HMCN1: variants seen among roughly 807,000 people sequenced by gnomAD.
HMCN1 encodes the protein hemicentin-1.
HMCN1 carries 321 observed loss-of-function variants against 625.9 expected under a neutral mutation model. That is an observed-to-expected ratio of 0.51 (90% CI 0.47 to 0.56). The LOEUF (loss-of-function observed/expected upper bound fraction) is 0.56. Ranked by LOEUF, HMCN1 falls within the 20% of genes least tolerant of loss-of-function variation. The pLI is 0.00. For synonymous variants in HMCN1, 2,425 were observed against 2,417.6 expected (o/e 1.00, Z -0.09); for missense variants, 6,588 against 6,887.3 (o/e 0.96, Z 1.54).
intron 48 of HMCN1, among the ~76,000 whole-genome samples, chr1:186,062,919 T>C (rs1657806535): frequency 6.6e-6 from 1 of 151,062 alleles, no homozygotes; most frequent in Non-Finnish European, 1.5e-5. Flanking sequence ...GAACATACGA[T>C]ATTTGACTTT....
Position 186,019,615 on chromosome 1 carries a change from A to G in HMCN1, c.5545A>G (p.Ile1849Val). 1.9e-6 allele frequency: 3 copies of G among 1,611,330 alleles called. No individual in the cohort carries two copies. The highest frequency in any genetic ancestry group is 2.5e-6 in the Non-Finnish European group (3 of 1,177,724). Reference protein sequence around the residue: ...VKYKPVALQCIANGIPNPSIT... With the variant: ...VKYKPVALQCVANGIPNPSIT... ...ATACAAGCCTGTCGCCTTGCAGTGC[A>G]TAGCCAATGGGATTCCAAATCCTTC... The change falls in exon 35 of 107, where the codon ATA becomes GTA. Residue 1849 changes from isoleucine to valine, a missense_variant. Around this residue, in one of 3 missense-constraint regions of HMCN1, gnomAD observed 4,628 missense variants for 4,853.1 expected, o/e 0.95. Coordinates refer to ENST00000271588, the MANE Select transcript of HMCN1 (RefSeq NM_031935.3).
chr1:185,768,467 G>T (rs1251927907), intron 1 of HMCN1, among the ~76,000 whole-genome samples: 1 of 152,138 alleles, frequency 6.6e-6, no homozygotes, highest in Non-Finnish European at 1.5e-5. Context: ...AGAAACAAAA[G>T]GTAGGTAAAC....
chr1:186,106,935 G>C lies in HMCN1; in HGVS notation c.10822G>C (p.Asp3608His). The part of the protein sequence containing the change: ...TCLASSPAGD[D>H]DKEYLVRVHV... ...TCTGGCATCCAGTCCTGCAGGAGAT[G>C]ATGATAAGGAATATCTAGTGAGAGT... Residue 3608 changes from aspartate to histidine, a missense_variant, in exon 70 of 107, where the codon GAT becomes CAT. By Grantham distance (81) the Asp-to-His change is moderately conservative. Transcript: ENST00000271588. The C allele has an allele frequency of 6.2e-7, 1 of 1,612,474 alleles. No individual in the cohort carries two copies.
At chr1:185,796,275 T>A (rs1445525089) in intron 1 of HMCN1, among the ~76,000 whole-genome samples, 1 of 152,252 alleles carries the variant, frequency 6.6e-6, no homozygotes, top group Non-Finnish European at 1.5e-5. Flanking sequence ...AATTCCCTCA[T>A]TGATATGACA....
Position 186,178,569 on chromosome 1 carries a change from A to G in HMCN1, c.16097A>G (p.Gln5366Arg). ...GLERLPNYGT[Q>R]YSSYNLARFS... is the part of the protein sequence containing the mutation. ...GAGAGGCTGCCAAATTATGGCACTC[A>G]ATACAGTAGCTATAACCTTGCACGG... Residue 5366 changes from glutamine (Q) to arginine (R), a missense_variant, in exon 104 of 107, where the codon CAA becomes CGA. Physicochemically the swap from Gln to Arg is conservative, Grantham distance 43. Coordinates refer to ENST00000271588, the MANE Select transcript of HMCN1 (RefSeq NM_031935.3). The G allele has an allele frequency of 6.2e-7, 1 of 1,614,170 alleles. No individual in the cohort carries two copies. The highest frequency in any genetic ancestry group is 8.5e-7 in the Non-Finnish European group (1 of 1,180,020).
intron 97 of HMCN1, among the ~76,000 whole-genome samples, chr1:186,164,658 C>T (rs138250280): frequency 0.011 from 1,644 of 152,204 alleles, 11 homozygotes; most frequent in Middle Eastern, 0.037. Context: ...AGTGCTAATG[C>T]GGGAGATCCA....
intron 1 of HMCN1, among the ~76,000 whole-genome samples, chr1:185,765,611 G>T (rs1456218339): frequency 6.6e-6 from 1 of 152,162 alleles, no homozygotes; most frequent in Non-Finnish European, 1.5e-5. Flanking sequence ...AAGGAGGCAT[G>T]ATAACATGTC....
chr1:185,943,332 C>A (rs1040394490), intron 11 of HMCN1, among the ~76,000 whole-genome samples: 1 of 152,106 alleles, frequency 6.6e-6, no homozygotes, highest in Non-Finnish European at 1.5e-5. Flanking sequence ...GGGAATGAGC[C>A]CTTAACCTGT....
chr1:185,831,205 T>A (rs930213369), intron 1 of HMCN1, among the ~76,000 whole-genome samples: 2 of 152,094 alleles, frequency 1.3e-5, no homozygotes, highest in Non-Finnish European at 2.9e-5. Context: ...AGAATAAACA[T>A]CCTGATTAAA....
At chr1:185,891,596 C>T (rs1177014558) in intron 4 of HMCN1, among the ~76,000 whole-genome samples, 1 of 147,526 alleles carries the variant, frequency 6.8e-6, no homozygotes, top group African/African-American at 2.7e-5. Context: ...ATATGAAATT[C>T]TGGGTTGAAA....
chr1:186,081,434 GACTTTGC>G (rs1406917767), intron 56 of HMCN1, 40 bp downstream of exon 56: 1 of 1,405,636 alleles, frequency 7.1e-7, no homozygotes, highest in East Asian at 2.3e-5. Context: ...AGAGCTATTT[GACTTTGC>G]ACTTTGTAAT....
chr1:186,026,473 C>T (rs1231816620), intron 36 of HMCN1, among the ~76,000 whole-genome samples: 1 of 152,186 alleles, frequency 6.6e-6, no homozygotes, highest in Non-Finnish European at 1.5e-5. Context: ...CCAATTAATA[C>T]TGTTGCTCTT....
At chr1:185,923,798 G>A (rs1204710300) in intron 8 of HMCN1, 145 bp downstream of exon 8, 8 of 707,808 alleles carry the variant, frequency 1.1e-5, no homozygotes, top group African/African-American at 1.8e-5. Flanking sequence ...TTACATGTAC[G>A]GTAACACAGT....
intron 71 of HMCN1, among the ~76,000 whole-genome samples, chr1:186,111,314 G>T (rs528917797): frequency 1.2e-4 from 19 of 152,042 alleles, no homozygotes; most frequent in Non-Finnish European, 2.5e-4. Flanking sequence ...GACTTAATAA[G>T]TTAGCAGAAA....
At chr1:185,879,503 A>G (rs968799241) in intron 4 of HMCN1, among the ~76,000 whole-genome samples, 1 of 152,052 alleles carries the variant, frequency 6.6e-6, no homozygotes, top group Non-Finnish European at 1.5e-5. Flanking sequence ...CTTTACCATT[A>G]TCTTATTTAT....
chr1:186,137,424 A>C (rs1047903566), intron 87 of HMCN1, 74 bp from the exon 88 acceptor site: 1 of 1,492,944 alleles, frequency 6.7e-7, no homozygotes, highest in African/African-American at 1.4e-5. Flanking sequence ...TAACCCGTGC[A>C]TATCTTAAAT....
chr1:185,925,755 A>T (rs1667244339), intron 9 of HMCN1, among the ~76,000 whole-genome samples: 1 of 152,216 alleles, frequency 6.6e-6, no homozygotes. Flanking sequence ...AGATGCCAAG[A>T]AAGATGATCA....
chr1:186,177,708 G>C (rs183599279), intron 103 of HMCN1, among the ~76,000 whole-genome samples: 196 of 152,216 alleles, frequency 1.3e-3, no homozygotes, highest in African/African-American at 4.6e-3. Context: ...TTCCAACATT[G>C]TCAACCAGTA....
Position 185,894,778 on chromosome 1 carries a change from A to G in HMCN1, c.622-14559A>G, listed in dbSNP as rs557638642. Reference sequence around the variant, plus strand: ...AGATTTTGGATTTTCTTTGAGAAATATGGTGACAATTATAGAAGACAAGTA... The same window carrying G: ...AGATTTTGGATTTTCTTTGAGAAATGTGGTGACAATTATAGAAGACAAGTA... On this transcript the variant is annotated intron_variant, in intron 4 of 106. Transcript: ENST00000271588. Among the ~76,000 whole-genome samples the G allele has an allele frequency of 2.6e-5, 4 of 152,328 alleles. No individual in the cohort carries two copies. The East Asian group carries it at 7.7e-4, about 29-fold the overall frequency.
Sources: gnomAD v4.1 joint callset for allele counts (sites outside exome capture counted in the v4.1 genomes callset) on GRCh38, gnomAD v4.1.1 for gene constraint, gnomAD v4.1.1 regional missense constraint, MANE v1.5 for transcripts, NCBI Gene and HGNC (gene_info 2026-07-23, HGNC 2026-07-21) for gene names.